The following P4HA2 variants were observed in gnomAD, a reference collection of about 807,000 sequenced individuals.
P4HA2 encodes the protein prolyl 4-hydroxylase subunit alpha 2.
In P4HA2, 46 loss-of-function variants were observed where a neutral mutation model predicts 76.9. That is an observed-to-expected ratio of 0.60 (90% CI 0.47 to 0.76). The LOEUF is 0.76. P4HA2 is among the 30% of genes least tolerant of loss of function. The pLI is 0.00. For missense variants in P4HA2, 583 were observed against 669.4 expected (o/e 0.87, Z 1.42); for synonymous variants, 243 against 254.0 (o/e 0.96, Z 0.41).
intron 1 of P4HA2, among the ~76,000 whole-genome samples, chr5:132,224,715 C>CA (rs67601355): frequency 6.6e-6 from 1 of 151,890 alleles, no homozygotes; most frequent in African/African-American, 2.4e-5. Flanking sequence ...TAGCAAAAGG[C>CA]GGGGGATTGG....
Position 132,210,950 on chromosome 5 carries a change from G to A in P4HA2, c.470-427C>T, listed in dbSNP as rs145353385. Among the ~76,000 whole-genome samples the A allele has an allele frequency of 1.2e-3, 178 of 152,336 alleles. 1 individual carries two copies. The East Asian group carries it at 0.025, about 22-fold the overall frequency. On this transcript the variant is annotated intron_variant, in intron 5 of 14. Coordinates refer to ENST00000360568, the MANE Select transcript of P4HA2 (RefSeq NM_001017974.2). Reference sequence around the variant, plus strand: ...TTTAGGTGGCAACCAAGCCATGGGTGAGGAAAATAGCTTGCAGGAACTCTG... The same window carrying A: ...TTTAGGTGGCAACCAAGCCATGGGTAAGGAAAATAGCTTGCAGGAACTCTG...
rs1455100121 is a variant in P4HA2 at position 132,218,438 on chromosome 5, C to A, written c.82+107G>T. On this transcript the variant is annotated intron_variant, in intron 2 of 14. Transcript: ENST00000360568. Reference sequence around the variant, plus strand: ...CCACTCTCCTCAGAACTGGCCAAAACCAGTAGTTAAGGCTATCCCACTCTA... The same window carrying A: ...CCACTCTCCTCAGAACTGGCCAAAAACAGTAGTTAAGGCTATCCCACTCTA... 12 of 727,528 alleles carry A rather than the reference C, an allele frequency of 1.6e-5. No individual in the cohort carries two copies. The South Asian group carries it at 1.9e-4, about 12-fold the overall frequency. 45.1% of individuals were successfully genotyped at this position (727,528 alleles called of 1,614,324 possible).
chr5:132,210,206 G>T, intron 6 of P4HA2, 78 bp downstream of exon 6: 12 of 1,511,820 alleles, frequency 7.9e-6, no homozygotes, highest in Non-Finnish European at 1.0e-5. Context: ...CCAGGAGAGG[G>T]GTCAGGCAGA....
At chr5:132,203,662 C>G in intron 10 of P4HA2, 86 bp downstream of exon 10, 1 of 820,560 alleles carries the variant, frequency 1.2e-6, no homozygotes, top group South Asian at 1.4e-5. Context: ...AGTTGGGCCT[C>G]TTGGCCCAGT....
intron 1 of P4HA2, among the ~76,000 whole-genome samples, chr5:132,222,398 C>A (rs1160875478): frequency 2.6e-5 from 4 of 152,178 alleles, no homozygotes; most frequent in Non-Finnish European, 5.9e-5. Flanking sequence ...ACCCTACTCT[C>A]CTTAGCCTCA....
chr5:132,200,565 G>A (rs935009253), intron 10 of P4HA2: 1 of 152,322 alleles, frequency 6.6e-6, no homozygotes, highest in African/African-American at 2.4e-5. Context: ...TGGGGGGAGT[G>A]GGGGTAGAGA....
At position 132,194,371 on chromosome 5, in the gene P4HA2, T is replaced by C. The variant is rs556663153; in HGVS notation, c.1531+555A>G. Among the ~76,000 whole-genome samples the C allele has an allele frequency of 3.0e-3, 450 of 152,298 alleles. 1 individual carries two copies. The highest frequency in any genetic ancestry group is 9.3e-3 in the African/African-American group (385 of 41,564). On this transcript the variant is annotated intron_variant, in intron 14 of 14. Transcript: ENST00000360568. ...TACACACTCATCTCCTTACAAACAC[T>C]TCCTGTCATATCCTGGTTTGAGCCT...
chr5:132,196,340 T>C (rs1750643595), intron 12 of P4HA2, among the ~76,000 whole-genome samples: 1 of 152,218 alleles, frequency 6.6e-6, no homozygotes. Flanking sequence ...TCAGTCTCAC[T>C]AGCCTCTCTC....
rs560453186 is a variant in P4HA2 at position 132,216,252 on chromosome 5, G to A, written c.331+945C>T. Among the ~76,000 whole-genome samples the A allele has an allele frequency of 2.0e-4, 30 of 150,796 alleles. 1 individual carries two copies. Among genetic ancestry groups the A allele is most frequent in the Admixed American group, 1.7e-3 (26 of 15,166 alleles). The stretch of plus-strand genomic sequence containing the variant: ...AGGAGAGCCCACCTCCAGGCCCACC[G>A]TACCATCTCTTCTTATTGACAGAAA... On this transcript the variant is annotated intron_variant, in intron 4 of 14. Coordinates refer to ENST00000360568, the MANE Select transcript of P4HA2 (RefSeq NM_001017974.2).
chr5:132,215,429 G>A (rs771676393), intron 4 of P4HA2, among the ~76,000 whole-genome samples: 40 of 152,246 alleles, frequency 2.6e-4, no homozygotes, highest in Non-Finnish European at 3.2e-4. Flanking sequence ...GTCTCCTGCC[G>A]TGCAGGCAGA....
intron 5 of P4HA2, 104 bp from the exon 6 acceptor site, chr5:132,210,627 C>A: frequency 9.1e-7 from 1 of 1,095,206 alleles, no homozygotes; most frequent in Non-Finnish European, 1.4e-6. Context: ...GGGGCATCAC[C>A]AAGCAGAACT....
intron 6 of P4HA2, among the ~76,000 whole-genome samples, chr5:132,210,050 G>T (rs900553491): frequency 6.6e-6 from 1 of 152,212 alleles, no homozygotes; most frequent in Non-Finnish European, 1.5e-5. Flanking sequence ...GCCCACAAGT[G>T]CCACAGGCCT....
At chr5:132,211,765 C>T (rs1043145540) in intron 5 of P4HA2, among the ~76,000 whole-genome samples, 3 of 152,208 alleles carry the variant, frequency 2.0e-5, no homozygotes, top group Non-Finnish European at 4.4e-5. Flanking sequence ...GTTGGCCTCA[C>T]TAGGGCGCCA....
intron 14 of P4HA2, 169 bp from the exon 15 acceptor site, chr5:132,193,249 T>G: frequency 1.7e-6 from 1 of 584,520 alleles, no homozygotes. Flanking sequence ...AAGACACATG[T>G]AAACAGATAA....
chr5:132,215,718 C>T (rs927852216), intron 4 of P4HA2, among the ~76,000 whole-genome samples: 2 of 152,140 alleles, frequency 1.3e-5, no homozygotes, highest in African/African-American at 4.8e-5. Context: ...TGCCTATAGT[C>T]CCAGCTACTC....
chr5:132,193,870 A>C (rs1750203264), intron 14 of P4HA2, among the ~76,000 whole-genome samples: 1 of 152,330 alleles, frequency 6.6e-6, no homozygotes, highest in South Asian at 2.1e-4. Context: ...AGCTTTTAAA[A>C]TATAAAGTAA....
At chr5:132,210,704 G>C (rs1398490627) in intron 5 of P4HA2, among the ~76,000 whole-genome samples, 181 bp from the exon 6 acceptor site, 2 of 152,124 alleles carry the variant, frequency 1.3e-5, no homozygotes, top group Non-Finnish European at 2.9e-5. Flanking sequence ...AGATGGCCCA[G>C]CCCTGCCCTG....
At chr5:132,220,949 C>T (rs1400654220) in intron 1 of P4HA2, among the ~76,000 whole-genome samples, 1 of 152,246 alleles carries the variant, frequency 6.6e-6, no homozygotes, top group Non-Finnish European at 1.5e-5. Context: ...CAGACTACCA[C>T]ATCAACACTG....
chr5:132,195,677 A>G (rs1750527423), intron 12 of P4HA2, 197 bp from the exon 13 acceptor site: 4 of 610,268 alleles, frequency 6.6e-6, no homozygotes, highest in South Asian at 5.8e-5. Flanking sequence ...TCATTAGAAC[A>G]GTCTCCATGT....
Sources: allele counts gnomAD v4.1 joint callset (sites outside exome capture counted in the v4.1 genomes callset), GRCh38; gene constraint gnomAD v4.1.1; transcripts MANE v1.5; gene names NCBI Gene and HGNC (gene_info 2026-07-23, HGNC 2026-07-21).